Variants in MTUS1 observed in about 807,000 individuals in gnomAD.
The protein encoded by MTUS1 is microtubule associated scaffold protein 1.
A neutral mutation model predicts 120.8 loss-of-function variants in MTUS1; 109 were observed. The ratio of observed to expected loss-of-function variants is 0.90; its 90% CI spans 0.77 to 1.06. The LOEUF is 1.06. MTUS1 is among the 50% of genes least tolerant of loss of function. The pLI is 0.00. For missense variants in MTUS1, 2,210 were observed against 1,486.3 expected (o/e 1.49, Z -8.01); for synonymous variants, 737 against 550.5 (o/e 1.34, Z -4.74).
chr8:17,753,782 T>A lies in MTUS1; in HGVS notation c.2026A>T (p.Met676Leu). 1 of 1,613,422 alleles carries A rather than the reference T, an allele frequency of 6.2e-7. No individual in the cohort carries two copies. The highest frequency in any genetic ancestry group is 8.5e-7 in the Non-Finnish European group (1 of 1,179,890). ...KKGEKENGTS[M>L]EKQELKQEIM... is the part of the protein sequence containing the mutation. ...TCTTGTTTCAGCTCTTGTTTTTCCA[T>A]AGATGTCCCATTTTCTTTTTCACCC... Residue 676 changes from methionine (M) to leucine (L), a missense_variant, in exon 2 of 15, where the codon ATG becomes TTG. Coordinates refer to ENST00000693296, the MANE Select transcript of MTUS1 (RefSeq NM_001363059.2).
At chr8:17,719,505 G>A (rs1327107078) in intron 4 of MTUS1, among the ~76,000 whole-genome samples, 1 of 152,200 alleles carries the variant, frequency 6.6e-6, no homozygotes, top group African/African-American at 2.4e-5. Context: ...AGTTAACAGT[G>A]GTCTGGATAA....
intron 2 of MTUS1, among the ~76,000 whole-genome samples, chr8:17,748,605 G>A (rs2047948361): frequency 6.6e-6 from 1 of 152,202 alleles, no homozygotes; most frequent in Non-Finnish European, 1.5e-5. Flanking sequence ...TAGGGTCACA[G>A]ACACCACCAC....
At chr8:17,692,071 T>A (rs1218247595) in intron 6 of MTUS1, 1 of 152,208 alleles carries the variant, frequency 6.6e-6, no homozygotes, top group Non-Finnish European at 1.5e-5. Flanking sequence ...GCAAGGCCTG[T>A]TGCAAGATCC....
At chr8:17,792,337 T>C (rs2051861479) in intron 1 of MTUS1, among the ~76,000 whole-genome samples, 1 of 152,226 alleles carries the variant, frequency 6.6e-6, no homozygotes. Context: ...AGTTTTCATT[T>C]GATTATATAT....
chr8:17,689,534 A>G (rs1816536936), intron 6 of MTUS1, among the ~76,000 whole-genome samples: 1 of 152,182 alleles, frequency 6.6e-6, no homozygotes, highest in Non-Finnish European at 1.5e-5. Context: ...GCTGGCAGGA[A>G]AAAACCAAAT....
intron 4 of MTUS1, chr8:17,721,619 AC>A (rs1359046633): frequency 3.6e-6 from 5 of 1,398,282 alleles, no homozygotes; most frequent in Non-Finnish European, 4.8e-6. Context: ...ATTACAAGTT[AC>A]AAAAACAGAA....
intron 2 of MTUS1, among the ~76,000 whole-genome samples, chr8:17,751,947 C>G (rs141721101): frequency 0.017 from 2,567 of 147,704 alleles, 37 homozygotes; most frequent in South Asian, 0.057. Flanking sequence ...GAATATGGGA[C>G]AATCTTTCAA....
intron 6 of MTUS1, among the ~76,000 whole-genome samples, chr8:17,690,144 C>T (rs1195010826): frequency 6.6e-6 from 1 of 152,058 alleles, no homozygotes; most frequent in Non-Finnish European, 1.5e-5. Flanking sequence ...ATCTAATATT[C>T]AGAATTTACA....
In MTUS1 at chr8:17,754,407, C is replaced by A. The variant is rs61740538; in HGVS notation, c.1401G>T (p.Ser467=). The A allele has an allele frequency of 6.2e-7, 1 of 1,614,102 alleles. No homozygotes were observed. Among genetic ancestry groups the A allele is most frequent in the South Asian group, 1.1e-5 (1 of 91,076 alleles). ...GNRGLKNIPD[S]KEAPVNLCKP... is the part of the protein sequence containing the mutation. ...TACACAGGTTCACAGGTGCCTCCTT[C>A]GAGTCTGGTATGTTTTTAAGCCCTC... is the stretch of plus-strand genomic sequence containing the variant. Residue 467 remains serine (S), a synonymous_variant, in exon 2 of 15, where the codon TCG becomes TCT. Coordinates refer to ENST00000693296, the MANE Select transcript of MTUS1 (RefSeq NM_001363059.2).
intron 6 of MTUS1, among the ~76,000 whole-genome samples, chr8:17,704,762 A>C (rs1346050213): frequency 6.6e-6 from 1 of 152,104 alleles, no homozygotes; most frequent in Non-Finnish European, 1.5e-5. Flanking sequence ...CTGTCATTCT[A>C]TATGACTTTT....
At chr8:17,662,397 C>T (rs1809951205) in intron 8 of MTUS1, among the ~76,000 whole-genome samples, 1 of 138,480 alleles carries the variant, frequency 7.2e-6, no homozygotes, top group Non-Finnish European at 1.5e-5. Flanking sequence ...GCACTGTCAC[C>T]TGGGCTAGAA....
chr8:17,715,979 T>TG, intron 4 of MTUS1, 78 bp from the exon 5 acceptor site: 1 of 1,386,584 alleles, frequency 7.2e-7, no homozygotes, highest in South Asian at 1.4e-5. Context: ...CCTTTGTCCT[T>TG]GAACCAACAA....
Position 17,755,847 on chromosome 8 carries a change from C to T in MTUS1, c.-40G>A. 1.3e-6 allele frequency: 2 copies of T among 1,563,802 alleles called. No homozygotes were observed. Among genetic ancestry groups the T allele is most frequent in the Non-Finnish European group, 1.7e-6 (2 of 1,158,598 alleles). The stretch of plus-strand genomic sequence containing the variant: ...TTAAACCTCTGCCATTTTATTTCTT[C>T]TTCAATTCCTTTTAAATGAGAGGGT... On this transcript the variant is annotated 5_prime_UTR_variant, in exon 2 of 15. Coordinates refer to ENST00000693296, the MANE Select transcript of MTUS1 (RefSeq NM_001363059.2).
At chr8:17,776,397 C>T (rs1385408912) in intron 1 of MTUS1, among the ~76,000 whole-genome samples, 4 of 152,088 alleles carry the variant, frequency 2.6e-5, no homozygotes, top group African/African-American at 9.7e-5. Context: ...AGAAGTCTCA[C>T]ATACGAGGCC....
Position 17,656,084 on chromosome 8 carries a change from G to C in MTUS1, c.2906-19C>G, listed in dbSNP as rs935668833. ...GCAGTGACTGAAAACAGAGGAGAAAGAAGAGGGAAGAGGTCATTTTATTTG... is the reference window on the plus strand; with the variant it reads ...GCAGTGACTGAAAACAGAGGAGAAACAAGAGGGAAGAGGTCATTTTATTTG... On this transcript the variant is annotated intron_variant, in intron 8 of 14. Transcript: ENST00000693296. 3 of 1,606,414 alleles carry C rather than the reference G, an allele frequency of 1.9e-6. No individual in the cohort carries two copies. The highest frequency in any genetic ancestry group is 2.7e-5 in the African/African-American group (2 of 74,744).
chr8:17,731,714 A>G (rs2046594603), intron 3 of MTUS1, among the ~76,000 whole-genome samples: 1 of 152,226 alleles, frequency 6.6e-6, no homozygotes, highest in Non-Finnish European at 1.5e-5. Context: ...GGAAATGAAC[A>G]GCAGCAGATC....
chr8:17,690,231 A>G (rs558531636), intron 6 of MTUS1, among the ~76,000 whole-genome samples: 1 of 152,336 alleles, frequency 6.6e-6, no homozygotes, highest in Non-Finnish European at 1.5e-5. Flanking sequence ...ATGTTTCTCA[A>G]AAGAAGACAC....
intron 1 of MTUS1, among the ~76,000 whole-genome samples, chr8:17,766,761 A>C (rs1008268346): frequency 6.6e-6 from 1 of 152,186 alleles, no homozygotes; most frequent in African/African-American, 2.4e-5. Flanking sequence ...GATAGTGCAG[A>C]GTTAATGGAT....
rs143492687 is a variant in MTUS1 at position 17,687,056 on chromosome 8, G to C, written c.2624-2514C>G. On this transcript the variant is annotated intron_variant, in intron 6 of 14. Transcript: ENST00000693296. Reference sequence around the variant, plus strand: ...ACACAGGAATCTAAACATTACGCAGGGTTTGTAAGTGATTACTCAGGATAG... The same window carrying C: ...ACACAGGAATCTAAACATTACGCAGCGTTTGTAAGTGATTACTCAGGATAG... Among the ~76,000 whole-genome samples the C allele has an allele frequency of 6.0e-3, 919 of 152,210 alleles. 15 individuals are homozygous for C. The highest frequency in any genetic ancestry group is 0.02 in the African/African-American group (851 of 41,530).
Sources: allele counts gnomAD v4.1 joint callset (sites outside exome capture counted in the v4.1 genomes callset), GRCh38; gene constraint gnomAD v4.1.1; transcripts MANE v1.5; gene names NCBI Gene and HGNC (gene_info 2026-07-23, HGNC 2026-07-21).